SP100: variants seen among roughly 807,000 people sequenced by gnomAD.
The protein encoded by SP100 is nuclear autoantigen Sp-100.
A neutral mutation model predicts 130.0 loss-of-function variants in SP100; 84 were observed. The ratio of observed to expected loss-of-function variants is 0.65; its 90% CI spans 0.54 to 0.77. SP100 has a LOEUF of 0.77. SP100 is among the 30% of genes least tolerant of loss of function. The pLI is 0.00. For missense variants in SP100, 978 were observed against 1,052.2 expected, an observed-to-expected ratio of 0.93 and a Z score of 0.97; for synonymous variants, 331 against 351.7, an observed-to-expected ratio of 0.94 and a Z score of 0.66.
At chr2:230,500,327 G>T (rs928144934) in intron 19 of SP100, among the ~76,000 whole-genome samples, 2 of 152,148 alleles carry the variant, frequency 1.3e-5, no homozygotes. Context: ...CCACTGGAAA[G>T]CACAGTTCTG....
At chr2:230,508,054 C>T in intron 23 of SP100, 23 bp downstream of exon 23, 2 of 1,612,428 alleles carry the variant, frequency 1.2e-6, no homozygotes, top group Non-Finnish European at 8.5e-7. Flanking sequence ...TGATCTTCTG[C>T]CAATGTCTCG....
At chr2:230,517,342 A>G (rs1690969500) in intron 24 of SP100, among the ~76,000 whole-genome samples, 1 of 152,246 alleles carries the variant, frequency 6.6e-6, no homozygotes, top group South Asian at 2.1e-4. Flanking sequence ...AACCAGAGTT[A>G]TAATCAAAAG....
intron 20 of SP100, 30 bp downstream of exon 20, chr2:230,503,140 T>G (rs1188674560): frequency 1.4e-6 from 2 of 1,462,430 alleles, no homozygotes. Context: ...ATGTTTTTCA[T>G]AATTAAACAT....
At chr2:230,448,477 A>AG (rs1272447121) in intron 5 of SP100, among the ~76,000 whole-genome samples, 1 of 152,242 alleles carries the variant, frequency 6.6e-6, no homozygotes, top group Non-Finnish European at 1.5e-5. Context: ...CAGATGAATA[A>AG]GGAAAAACCC....
intron 17 of SP100, among the ~76,000 whole-genome samples, chr2:230,486,414 G>A (rs1008366261): frequency 3.9e-5 from 6 of 152,292 alleles, no homozygotes; most frequent in African/African-American, 1.4e-4. Flanking sequence ...TTATGAGTGA[G>A]AACATACAGT....
chr2:230,512,072 G>T (rs1452533159), intron 24 of SP100, among the ~76,000 whole-genome samples: 1 of 151,918 alleles, frequency 6.6e-6, no homozygotes, highest in Admixed American at 6.6e-5. Flanking sequence ...TCACTATGTT[G>T]CCCAGGCTTG....
chr2:230,459,664 G>A (rs886346767), intron 8 of SP100, among the ~76,000 whole-genome samples: 1 of 152,154 alleles, frequency 6.6e-6, no homozygotes, highest in Non-Finnish European at 1.5e-5. Flanking sequence ...TTTGCCACTT[G>A]TGTCAATCCC....
At chr2:230,449,246 A>C in intron 6 of SP100, 96 bp downstream of exon 6, 1 of 1,262,914 alleles carries the variant, frequency 7.9e-7, no homozygotes, top group Non-Finnish European at 1.2e-6. Context: ...GATTGTCCAG[A>C]ATTTTCAGGT....
At chr2:230,471,299 G>A (rs1207631088) in intron 15 of SP100, among the ~76,000 whole-genome samples, 2 of 152,182 alleles carry the variant, frequency 1.3e-5, no homozygotes, top group Non-Finnish European at 2.9e-5. Context: ...AGATAGAGTA[G>A]GGCTATGAGG....
At chr2:230,536,744 TA>T (rs1232894448) in intron 24 of SP100, among the ~76,000 whole-genome samples, 1 of 97,776 alleles carries the variant, frequency 1.0e-5, no homozygotes, top group Admixed American at 1.1e-4. Flanking sequence ...AGCACCCGAC[TA>T]AAGCCTTCTT....
intron 18 of SP100, 31 bp downstream of exon 18, chr2:230,494,491 G>A: frequency 1.3e-6 from 2 of 1,550,398 alleles, no homozygotes; most frequent in Non-Finnish European, 1.8e-6. Context: ...TTACTCCTTT[G>A]AACTCGCTGT....
Position 230,529,375 on chromosome 2 carries a change from C to T in SP100, c.2095-9892C>T, listed in dbSNP as rs543467757. ...AGAAAAGGCCTTTGACAAAATTCAA[C>T]GCCTTTCATGCTAAAAACTCTCTCA... On this transcript the variant is annotated intron_variant, in intron 24 of 28. Coordinates refer to ENST00000340126, the MANE Select transcript of SP100 (RefSeq NM_001080391.2). Among the ~76,000 whole-genome samples the T allele has an allele frequency of 5.9e-5, 9 of 152,266 alleles. No individual in the cohort carries two copies. In the East Asian group the frequency reaches 7.7e-4, roughly 13 times the overall value.
chr2:230,503,028 T>C (rs377361029), intron 19 of SP100, 38 bp from the exon 20 acceptor site: 4 of 1,493,544 alleles, frequency 2.7e-6, no homozygotes, highest in African/African-American at 1.4e-5. Flanking sequence ...CTATTTGCAA[T>C]GTAAAGAGAC....
chr2:230,524,356 C>CA (rs34536949), intron 24 of SP100, among the ~76,000 whole-genome samples: 49,208 of 93,680 alleles, frequency 0.53, 11,010 homozygotes, highest in South Asian at 0.6. Flanking sequence ...GATTCCATCT[C>CA]AAAAAAAAAA....
intron 8 of SP100, among the ~76,000 whole-genome samples, chr2:230,451,207 C>T (rs1476786750): frequency 6.6e-6 from 1 of 152,188 alleles, no homozygotes; most frequent in African/African-American, 2.4e-5. Flanking sequence ...TATTTGAGGA[C>T]ACTCCATACT....
intron 5 of SP100, 104 bp downstream of exon 5, chr2:230,447,006 A>G: frequency 1.5e-6 from 1 of 673,996 alleles, no homozygotes; most frequent in Non-Finnish European, 2.6e-6. Flanking sequence ...ACTATGGAGA[A>G]GTCAAGGAGA....
At chr2:230,467,047 A>G in intron 12 of SP100, 73 bp from the exon 13 acceptor site, 1 of 1,043,620 alleles carries the variant, frequency 9.6e-7, no homozygotes, top group Non-Finnish European at 1.5e-6. Flanking sequence ...TTTCCTTTTC[A>G]TAGAATATTA....
chr2:230,457,840 AT>A (rs2064362321), intron 8 of SP100, among the ~76,000 whole-genome samples: 1 of 152,056 alleles, frequency 6.6e-6, no homozygotes, highest in South Asian at 2.1e-4. Context: ...CTTCTCCCCA[AT>A]TTTCTAATTA....
At chr2:230,512,187 G>A (rs1348769926) in intron 24 of SP100, among the ~76,000 whole-genome samples, 1 of 147,742 alleles carries the variant, frequency 6.8e-6, no homozygotes, top group Non-Finnish European at 1.5e-5. Flanking sequence ...ATTTGATAAC[G>A]ATTTCTTAAA....
Sources: gnomAD v4.1 joint callset for allele counts (sites outside exome capture counted in the v4.1 genomes callset) on GRCh38, gnomAD v4.1.1 for gene constraint, MANE v1.5 for transcripts, NCBI Gene and HGNC (gene_info 2026-07-23, HGNC 2026-07-21) for gene names.